CIMIP6: variants seen among roughly 807,000 people sequenced by gnomAD.
CIMIP6 encodes the protein ciliary microtubule inner protein 6.
At chr2:54,367,981 A>C in the CIMIP6 span, among the ~76,000 whole-genome samples, 1 of 152,124 alleles carries the variant, frequency 6.6e-6, no homozygotes, top group Non-Finnish European at 1.5e-5. Context: ...TATCTAGTCA[A>C]CCTTACACTA....
chr2:54,366,190 G>C, the CIMIP6 span, among the ~76,000 whole-genome samples: 6 of 152,186 alleles, frequency 3.9e-5, no homozygotes, highest in African/African-American at 1.4e-4. Context: ...GATATAACCA[G>C]AGCAGCATGT....
the CIMIP6 span, among the ~76,000 whole-genome samples, chr2:54,381,295 T>A: frequency 6.6e-6 from 1 of 152,186 alleles, no homozygotes; most frequent in Admixed American, 6.5e-5. Flanking sequence ...GAGGTTCTAC[T>A]CCAATTCCTA....
the CIMIP6 span, among the ~76,000 whole-genome samples, chr2:54,368,863 A>G: frequency 6.6e-6 from 1 of 152,206 alleles, no homozygotes; most frequent in Admixed American, 6.5e-5. Flanking sequence ...CTGGAAGCTC[A>G]TGCTTGGAAT....
chr2:54,340,469 C>T, the CIMIP6 span, among the ~76,000 whole-genome samples: 25 of 152,324 alleles, frequency 1.6e-4, no homozygotes, highest in East Asian at 4.6e-3. Context: ...GCACATGTTG[C>T]ATGGGCACAT....
the CIMIP6 span, among the ~76,000 whole-genome samples, chr2:54,331,899 C>T: frequency 7.9e-5 from 12 of 152,162 alleles, no homozygotes; most frequent in South Asian, 2.1e-4. Context: ...TAAGAATCAG[C>T]GAAACAGCTG....
At chr2:54,383,199 G>A in the CIMIP6 span, 1 of 152,226 alleles carries the variant, frequency 6.6e-6, no homozygotes, top group Non-Finnish European at 1.5e-5. Flanking sequence ...AGTCCTCTTG[G>A]AAGAGAATCT....
chr2:54,358,848 G>T, the CIMIP6 span: 3 of 527,152 alleles, frequency 5.7e-6, no homozygotes, highest in South Asian at 7.3e-5. Context: ...AAATAATCTT[G>T]CATACTTCAA....
chr2:54,379,990 AAAAT>A, the CIMIP6 span, among the ~76,000 whole-genome samples: 10 of 151,734 alleles, frequency 6.6e-5, no homozygotes, highest in East Asian at 1.9e-3. Context: ...AAAAAAAAAA[AAAAT>A]TAGCTTGGTG....
chr2:54,381,339 C>G, the CIMIP6 span, among the ~76,000 whole-genome samples: 1 of 152,190 alleles, frequency 6.6e-6, no homozygotes, highest in Non-Finnish European at 1.5e-5. Context: ...CGAGTTGTTA[C>G]AACTCTCTAG....
At chr2:54,359,819 A>T in the CIMIP6 span, among the ~76,000 whole-genome samples, 1 of 152,150 alleles carries the variant, frequency 6.6e-6, no homozygotes, top group Non-Finnish European at 1.5e-5. Context: ...GGCATTTGGG[A>T]TGCAATCATA....
chr2:54,334,140 A>G, the CIMIP6 span, among the ~76,000 whole-genome samples: 1 of 152,218 alleles, frequency 6.6e-6, no homozygotes, highest in Non-Finnish European at 1.5e-5. Flanking sequence ...TTTTAAAAAT[A>G]CTGCCTTTTA....
At chr2:54,342,096 C>T in the CIMIP6 span, among the ~76,000 whole-genome samples, 10 of 152,284 alleles carry the variant, frequency 6.6e-5, no homozygotes, top group East Asian at 1.2e-3. Context: ...ACCCCAGTTA[C>T]AATTACCAAT....
the CIMIP6 span, among the ~76,000 whole-genome samples, chr2:54,336,480 A>G: frequency 2.0e-5 from 3 of 152,162 alleles, no homozygotes; most frequent in Admixed American, 2.0e-4. Context: ...AAGTCACGCT[A>G]AGCTTCAATT....
the CIMIP6 span, chr2:54,382,132 A>G: frequency 9.2e-7 from 1 of 1,082,260 alleles, no homozygotes; most frequent in East Asian, 2.9e-5. Flanking sequence ...GTGAACAATG[A>G]AAGACAACAA....
At chr2:54,332,265 C>A in the CIMIP6 span, among the ~76,000 whole-genome samples, 1 of 152,198 alleles carries the variant, frequency 6.6e-6, no homozygotes, top group Non-Finnish European at 1.5e-5. Flanking sequence ...CATACATACA[C>A]TCCCTTTTCC....
At chr2:54,356,248 A>G in the CIMIP6 span, among the ~76,000 whole-genome samples, 7 of 152,072 alleles carry the variant, frequency 4.6e-5, no homozygotes, top group Admixed American at 6.5e-5. Flanking sequence ...AGAAATGCCC[A>G]AGGGGGCAAC....
chr2:54,361,731 A>G, the CIMIP6 span, among the ~76,000 whole-genome samples: 1 of 152,182 alleles, frequency 6.6e-6, no homozygotes, highest in African/African-American at 2.4e-5. Flanking sequence ...CACCATAGGT[A>G]TACTACTATA....
chr2:54,340,839 C>A, the CIMIP6 span, among the ~76,000 whole-genome samples: 1 of 152,080 alleles, frequency 6.6e-6, no homozygotes, highest in Non-Finnish European at 1.5e-5. Context: ...GTGGCTCATG[C>A]CTATAGTCCC....
the CIMIP6 span, among the ~76,000 whole-genome samples, chr2:54,340,750 G>A: frequency 6.6e-6 from 1 of 152,156 alleles, no homozygotes. Flanking sequence ...AAAGAAATTT[G>A]CTCAAAAGAT....
Sources: gnomAD v4.1 joint callset for allele counts (sites outside exome capture counted in the v4.1 genomes callset) on GRCh38, gnomAD v4.1.1 for gene constraint, MANE v1.5 for transcripts, NCBI Gene and HGNC (gene_info 2026-07-23, HGNC 2026-07-21) for gene names.